TUSC3: variants seen among roughly 807,000 people sequenced by gnomAD.
The protein encoded by TUSC3 is dolichyl-diphosphooligosaccharide--protein glycosyltransferase subunit TUSC3.
Under a neutral mutation model 44.8 loss-of-function variants are expected in TUSC3, and 45 were observed. That is an observed-to-expected ratio of 1.00 (90% CI 0.79 to 1.29). TUSC3 has a LOEUF of 1.29. TUSC3 is among the 50% of genes most tolerant of loss of function. The pLI is 0.00. For missense variants in TUSC3, 519 were observed against 437.9 expected (o/e 1.19, Z -1.65); for synonymous variants, 212 against 152.9 (o/e 1.39, Z -2.85).
chr8:15,424,273 A>G (rs1008245350), intron 1 of TUSC3, among the ~76,000 whole-genome samples: 3 of 151,942 alleles, frequency 2.0e-5, no homozygotes, highest in African/African-American at 7.2e-5. Context: ...TTATACAATC[A>G]GAGAAGGTGG....
At chr8:15,481,296 A>C (rs76880038) in intron 1 of TUSC3, among the ~76,000 whole-genome samples, 1 of 151,370 alleles carries the variant, frequency 6.6e-6, no homozygotes, top group Non-Finnish European at 1.5e-5. Context: ...TGATTAGGCC[A>C]TGAAGGCTCT....
At chr8:15,446,181 A>G (rs1800095019) in intron 1 of TUSC3, among the ~76,000 whole-genome samples, 1 of 148,326 alleles carries the variant, frequency 6.7e-6, no homozygotes, top group South Asian at 2.2e-4. Context: ...GCATCGGGGC[A>G]GAGGCGCTCC....
intron 1 of TUSC3, among the ~76,000 whole-genome samples, chr8:15,570,853 G>C (rs1006941479): frequency 1.3e-5 from 2 of 151,502 alleles, no homozygotes; most frequent in African/African-American, 2.4e-5. Context: ...CTGGGGATGT[G>C]GAAGTGCAGC....
At chr8:15,624,645 C>G (rs1805409108) in intron 2 of TUSC3, among the ~76,000 whole-genome samples, 1 of 152,146 alleles carries the variant, frequency 6.6e-6, no homozygotes, top group Non-Finnish European at 1.5e-5. Context: ...CTGCCCCTTT[C>G]TAATTGGATT....
chr8:15,582,623 A>G (rs1803416216), intron 1 of TUSC3, among the ~76,000 whole-genome samples: 1 of 152,214 alleles, frequency 6.6e-6, no homozygotes, highest in Middle Eastern at 3.2e-3. Flanking sequence ...ACACCCAGCT[A>G]AAACAGAGTC....
chr8:15,522,072 C>A (rs1054366955), intron 2 of TUSC3, among the ~76,000 whole-genome samples: 4 of 152,176 alleles, frequency 2.6e-5, no homozygotes, highest in Non-Finnish European at 5.9e-5. Context: ...TATGGCAAGG[C>A]ATTTCTGAAA....
chr8:15,466,712 TCCTG>T (rs1800419314), intron 1 of TUSC3, among the ~76,000 whole-genome samples: 2 of 152,140 alleles, frequency 1.3e-5, no homozygotes, highest in African/African-American at 4.8e-5. Flanking sequence ...TTTCTTTAAT[TCCTG>T]TTTTTGTTGT....
chr8:15,595,800 T>G (rs753262734), intron 1 of TUSC3, among the ~76,000 whole-genome samples: 23 of 152,182 alleles, frequency 1.5e-4, no homozygotes, highest in Non-Finnish European at 3.1e-4. Context: ...AATTCTACTA[T>G]GTGTGTGGAA....
chr8:15,640,872 T>C (rs1806335811), intron 2 of TUSC3, among the ~76,000 whole-genome samples: 1 of 152,194 alleles, frequency 6.6e-6, no homozygotes, highest in Non-Finnish European at 1.5e-5. Flanking sequence ...GAGAGGATCC[T>C]GGTTTTTCCT....
chr8:15,633,394 C>A (rs897230366), intron 2 of TUSC3, among the ~76,000 whole-genome samples: 5 of 152,104 alleles, frequency 3.3e-5, no homozygotes, highest in African/African-American at 1.2e-4. Context: ...TGATAAATTT[C>A]TTACCTCCTG....
intron 6 of TUSC3, chr8:15,689,441 C>A: frequency 5.6e-6 from 1 of 178,064 alleles, no homozygotes; most frequent in South Asian, 9.0e-5. Context: ...TAGTCTTGCT[C>A]TCTTGCAGTG....
chr8:15,543,934 G>A (rs1585086101), intron 1 of TUSC3, among the ~76,000 whole-genome samples: 2 of 141,764 alleles, frequency 1.4e-5, no homozygotes, highest in East Asian at 2.1e-4. Flanking sequence ...GTGTGTGTGT[G>A]TATGTATTAT....
intron 6 of TUSC3, among the ~76,000 whole-genome samples, chr8:15,727,347 CT>C (rs1179610403): frequency 6.6e-6 from 1 of 152,210 alleles, no homozygotes; most frequent in Non-Finnish European, 1.5e-5. Context: ...CCAGTAATCT[CT>C]TTGTTGCACA....
At position 15,640,331 on chromosome 8, in the gene TUSC3, C is replaced by T. The variant is rs529743757; in HGVS notation, c.309-10366C>T. ...AACTTATCTGGTTCACTTCAGACTG[C>T]ACCGTGTGCCTTTTCCCTCTGCTGA... is the stretch of plus-strand genomic sequence containing the variant. On this transcript the variant is annotated intron_variant, in intron 2 of 10. Coordinates refer to ENST00000503731, the MANE Select transcript of TUSC3 (RefSeq NM_006765.4). Among the ~76,000 whole-genome samples, 10 of 152,300 alleles carry T rather than the reference C, an allele frequency of 6.6e-5. No homozygotes were observed. The South Asian group carries it at 1.5e-3, about 22-fold the overall frequency.
intron 6 of TUSC3, among the ~76,000 whole-genome samples, chr8:15,690,044 G>C (rs1363464262): frequency 1.3e-5 from 2 of 152,024 alleles, no homozygotes; most frequent in Admixed American, 6.6e-5. Context: ...TGGGATGGCT[G>C]GGTCAAATGG....
intron 6 of TUSC3, among the ~76,000 whole-genome samples, chr8:15,724,922 T>C (rs1373909642): frequency 6.6e-6 from 1 of 152,172 alleles, no homozygotes; most frequent in East Asian, 1.9e-4. Context: ...TGGTTTATTT[T>C]GCAATCATGT....
chr8:15,840,993 G>A, the TUSC3 span, among the ~76,000 whole-genome samples: 11 of 152,052 alleles, frequency 7.2e-5, no homozygotes, highest in Non-Finnish European at 1.6e-4. Flanking sequence ...TATTTTGTGT[G>A]TTTCAAAATC....
In TUSC3 at chr8:15,651,663, C is replaced by T. The variant is rs117518795; in HGVS notation, c.426+849C>T. Among the ~76,000 whole-genome samples the T allele has an allele frequency of 4.8e-3, 738 of 152,202 alleles. 19 individuals are homozygous for T. In the East Asian group the frequency reaches 0.07, roughly 14 times the overall value. ...GAGCCTCACCCGAAACCAACTCTGC[C>T]GGCACCTTCCTCTTGGACTTTGAGT... On this transcript the variant is annotated intron_variant, in intron 3 of 10. Coordinates refer to ENST00000503731, the MANE Select transcript of TUSC3 (RefSeq NM_006765.4).
At chr8:15,658,743 T>C (rs1270862970) in intron 3 of TUSC3, among the ~76,000 whole-genome samples, 1 of 151,826 alleles carries the variant, frequency 6.6e-6, no homozygotes, top group Non-Finnish European at 1.5e-5. Context: ...TTGTAGTTTA[T>C]TGCTTACTGC....
Sources: allele counts gnomAD v4.1 joint callset (sites outside exome capture counted in the v4.1 genomes callset), GRCh38; gene constraint gnomAD v4.1.1; transcripts MANE v1.5; gene names NCBI Gene and HGNC (gene_info 2026-07-23, HGNC 2026-07-21).